Variants in TMEM135 observed in about 807,000 individuals in gnomAD.
TMEM135 encodes transmembrane protein 135.
TMEM135 carries 30 observed loss-of-function variants against 60.3 expected under a neutral mutation model. The observed-to-expected ratio is 0.50, with a 90% CI of 0.37 to 0.68. The LOEUF (loss-of-function observed/expected upper bound fraction) is 0.68, where lower values mean the gene tolerates loss of function less well. Among genes scored for constraint, TMEM135 ranks in the 30% least tolerant of loss-of-function variants. The pLI, the probability that TMEM135 is intolerant of heterozygous loss-of-function variation, is 0.00. For missense variants in TMEM135, 468 were observed against 548.8 expected, an observed-to-expected ratio of 0.85 and a Z score of 1.47; for synonymous variants, 190 against 186.7, an observed-to-expected ratio of 1.02 and a Z score of -0.14.
At chr11:87,129,520 G>A (rs972786380) in intron 4 of TMEM135, among the ~76,000 whole-genome samples, 34 of 148,960 alleles carry the variant, frequency 2.3e-4, no homozygotes, top group Non-Finnish European at 4.7e-4. Context: ...TGGGATTACA[G>A]GCGTGATCCA....
At chr11:87,170,487 G>A (rs1939203635) in intron 5 of TMEM135, among the ~76,000 whole-genome samples, 1 of 152,120 alleles carries the variant, frequency 6.6e-6, no homozygotes, top group Admixed American at 6.5e-5. Context: ...CATCCTTTTT[G>A]TTGATGTTGT....
At chr11:87,207,236 G>A (rs1313646267) in intron 5 of TMEM135, among the ~76,000 whole-genome samples, 3 of 152,076 alleles carry the variant, frequency 2.0e-5, no homozygotes. Flanking sequence ...TGGGTTCTTG[G>A]GAAGAATTCT....
At chr11:87,314,296 A>T (rs1197503355) in intron 11 of TMEM135, among the ~76,000 whole-genome samples, 175 bp from the exon 12 acceptor site, 1 of 151,848 alleles carries the variant, frequency 6.6e-6, no homozygotes, top group Non-Finnish European at 1.5e-5. Flanking sequence ...TTTAAATTTA[A>T]AAATATGCAA....
intron 6 of TMEM135, among the ~76,000 whole-genome samples, chr11:87,245,669 G>T (rs1358007771): frequency 7.5e-6 from 1 of 133,658 alleles, no homozygotes. Context: ...GACTAGGATT[G>T]CAACCCCTGC....
rs1463380236 is a variant in TMEM135 at position 87,327,837 on chromosome 11, G to A, written c.*6504G>A. The A allele has an allele frequency of 2.2e-6, 1 of 454,044 alleles. No individual in the cohort carries two copies. The highest frequency in any genetic ancestry group is 1.6e-5 in the South Asian group (1 of 64,470). 28.1% of individuals were successfully genotyped at this position (454,044 alleles called of 1,614,324 possible). A position where few individuals can be genotyped will look rare whatever the true frequency, so the allele number is the denominator to read the frequency against. Reference sequence around the variant, plus strand: ...AGGATCTGGGGTCCTAATGTCCATGGGCAGTTGGAGAAGAGTGTATCCCTG... The same window carrying A: ...AGGATCTGGGGTCCTAATGTCCATGAGCAGTTGGAGAAGAGTGTATCCCTG... On this transcript the variant is annotated 3_prime_UTR_variant, in exon 15 of 15. Coordinates refer to ENST00000305494, the MANE Select transcript of TMEM135 (RefSeq NM_022918.4).
chr11:87,118,000 A>G (rs965675042), intron 4 of TMEM135, among the ~76,000 whole-genome samples: 1 of 152,236 alleles, frequency 6.6e-6, no homozygotes, highest in Non-Finnish European at 1.5e-5. Context: ...ATTAGCAGGC[A>G]TGAGAACAAC....
intron 3 of TMEM135, among the ~76,000 whole-genome samples, chr11:87,087,149 C>A (rs536589873): frequency 6.6e-6 from 1 of 152,192 alleles, no homozygotes; most frequent in African/African-American, 2.4e-5. Context: ...AGAAGACATG[C>A]ATCAAAACAA....
chr11:87,108,538 C>G (rs754012594), intron 4 of TMEM135, among the ~76,000 whole-genome samples: 4 of 151,944 alleles, frequency 2.6e-5, no homozygotes, highest in African/African-American at 4.8e-5. Flanking sequence ...TTTCTAGTCT[C>G]TATTTATTTC....
chr11:87,286,062 G>T (rs1942159144), intron 6 of TMEM135, among the ~76,000 whole-genome samples: 1 of 152,202 alleles, frequency 6.6e-6, no homozygotes, highest in Non-Finnish European at 1.5e-5. Context: ...ACAGGGTGCT[G>T]ATTGGTGCGT....
chr11:87,169,686 A>T (rs946265348), intron 5 of TMEM135, among the ~76,000 whole-genome samples: 1 of 152,046 alleles, frequency 6.6e-6, no homozygotes, highest in Non-Finnish European at 1.5e-5. Flanking sequence ...AGTCTGATGG[A>T]CTTCCCGTTG....
intron 5 of TMEM135, among the ~76,000 whole-genome samples, chr11:87,162,003 A>G (rs1274553087): frequency 6.6e-6 from 1 of 152,188 alleles, no homozygotes; most frequent in African/African-American, 2.4e-5. Flanking sequence ...GCCTATTAAT[A>G]GCTCATGTTC....
At chr11:87,074,219 G>GC (rs1479259031) in intron 3 of TMEM135, among the ~76,000 whole-genome samples, 1 of 152,190 alleles carries the variant, frequency 6.6e-6, no homozygotes, top group Non-Finnish European at 1.5e-5. Context: ...GCCTGCCTCA[G>GC]CCCCCCAAAG....
chr11:87,258,798 T>G, intron 6 of TMEM135: 1 of 575,172 alleles, frequency 1.7e-6, no homozygotes, highest in Non-Finnish European at 3.1e-6. Flanking sequence ...TCAAACACAA[T>G]TGAATTTCTG....
At chr11:87,297,610 A>T (rs530642123) in intron 7 of TMEM135, among the ~76,000 whole-genome samples, 1 of 152,338 alleles carries the variant, frequency 6.6e-6, no homozygotes, top group Non-Finnish European at 1.5e-5. Flanking sequence ...AATTCTTGCA[A>T]AAACTTAAAA....
intron 5 of TMEM135, among the ~76,000 whole-genome samples, chr11:87,211,095 A>AT (rs1940359000): frequency 6.6e-6 from 1 of 152,196 alleles, no homozygotes; most frequent in Admixed American, 6.5e-5. Context: ...CAAGATAGGG[A>AT]TACCTACTCT....
At chr11:87,281,392 G>A (rs1017701566) in intron 6 of TMEM135, among the ~76,000 whole-genome samples, 4 of 152,078 alleles carry the variant, frequency 2.6e-5, no homozygotes, top group African/African-American at 4.8e-5. Flanking sequence ...AGACAAACAC[G>A]TTTATGTATT....
chr11:87,101,506 ACTT>A (rs1319043772), intron 4 of TMEM135, among the ~76,000 whole-genome samples: 2 of 152,114 alleles, frequency 1.3e-5, no homozygotes, highest in Non-Finnish European at 2.9e-5. Flanking sequence ...CCTTTTGAAA[ACTT>A]CTCTGTAATT....
At chr11:87,054,500 G>T (rs1949873547) in intron 1 of TMEM135, among the ~76,000 whole-genome samples, 1 of 152,170 alleles carries the variant, frequency 6.6e-6, no homozygotes, top group Admixed American at 6.5e-5. Context: ...ATATGTGAAA[G>T]AAAAGTATTA....
intron 1 of TMEM135, among the ~76,000 whole-genome samples, chr11:87,062,811 A>G (rs1052942009): frequency 1.3e-5 from 2 of 152,146 alleles, no homozygotes; most frequent in African/African-American, 4.8e-5. Flanking sequence ...AAAAATGAAC[A>G]GTTTTGTTAT....
Sources: gnomAD v4.1 joint callset for allele counts (sites outside exome capture counted in the v4.1 genomes callset) on GRCh38, gnomAD v4.1.1 for gene constraint, MANE v1.5 for transcripts, NCBI Gene and HGNC (gene_info 2026-07-23, HGNC 2026-07-21) for gene names.